IL1RAPL2: variants seen among roughly 807,000 people sequenced by gnomAD.
The protein encoded by IL1RAPL2 is interleukin 1 receptor accessory protein like 2, also known as X-linked interleukin-1 receptor accessory protein-like 2.
IL1RAPL2 carries 3 observed loss-of-function variants against 44.1 expected under a neutral mutation model. That is an observed-to-expected ratio of 0.07 (90% confidence interval 0.03 to 0.18). The LOEUF (loss-of-function observed/expected upper bound fraction) is 0.18, where lower values mean the gene tolerates loss of function less well. Ranked by LOEUF, IL1RAPL2 falls within the 10% of genes least tolerant of loss-of-function variation. The pLI is 1.00. For synonymous variants in IL1RAPL2, 181 were observed against 178.8 expected, an observed-to-expected ratio of 1.01 and a Z score of -0.10; for missense variants, 391 against 496.4, an observed-to-expected ratio of 0.79 and a Z score of 2.02.
chrX:105,536,134 G>A (rs113116073), intron 6 of IL1RAPL2, among the ~76,000 whole-genome samples: 3 of 110,198 alleles, frequency 2.7e-5, no homozygotes, highest in African/African-American at 9.9e-5. Context: ...ATAAAAACAT[G>A]TTCATTATAA....
intron 6 of IL1RAPL2, among the ~76,000 whole-genome samples, chrX:105,490,877 A>T (rs2147778652): frequency 8.9e-6 from 1 of 112,029 alleles, no homozygotes; most frequent in East Asian, 2.8e-4. Context: ...GGGAAAAAGG[A>T]AAATGATTTT....
At chrX:104,697,600 A>G (rs748913742) in intron 2 of IL1RAPL2, among the ~76,000 whole-genome samples, 2 of 111,520 alleles carry the variant, frequency 1.8e-5, no homozygotes, top group African/African-American at 6.5e-5. Flanking sequence ...TCACTATGTT[A>G]GGGCTGGGAA....
intron 2 of IL1RAPL2, among the ~76,000 whole-genome samples, chrX:104,917,665 A>G (rs769762746): frequency 8.9e-6 from 1 of 111,903 alleles, no homozygotes. Context: ...GAAATGCCTA[A>G]TTGCCCTTTG....
At chrX:104,575,983 C>T (rs1928237572) in intron 1 of IL1RAPL2, among the ~76,000 whole-genome samples, 1 of 111,616 alleles carries the variant, frequency 9.0e-6, no homozygotes, top group African/African-American at 3.3e-5. Context: ...TTTAATGCCC[C>T]TAATAATGGG....
intron 6 of IL1RAPL2, among the ~76,000 whole-genome samples, chrX:105,627,122 A>G (rs1254981134): frequency 1.8e-5 from 2 of 112,198 alleles, no homozygotes; most frequent in Non-Finnish European, 3.8e-5. Context: ...AGGAGCTTAC[A>G]TGGCCTTTGG....
intron 2 of IL1RAPL2, among the ~76,000 whole-genome samples, chrX:105,134,011 A>G (rs886357738): frequency 1.8e-5 from 2 of 111,822 alleles, no homozygotes; most frequent in Admixed American, 1.9e-4. Context: ...TCACTTTTCT[A>G]TTTTAGTAAG....
At chrX:105,564,880 A>G (rs749526689) in intron 6 of IL1RAPL2, among the ~76,000 whole-genome samples, 39 of 111,919 alleles carry the variant, frequency 3.5e-4, no homozygotes, top group Non-Finnish European at 6.6e-4. Flanking sequence ...ACATGGTCAA[A>G]GGCTTTGATT....
At chrX:105,288,702 A>T (rs962493481) in intron 5 of IL1RAPL2, among the ~76,000 whole-genome samples, 4 of 110,713 alleles carry the variant, frequency 3.6e-5, no homozygotes, top group African/African-American at 1.3e-4. Flanking sequence ...AGCCCTAAAA[A>T]GTTGCAGTAA....
At chrX:105,456,978 G>T (rs2079292884) in intron 5 of IL1RAPL2, among the ~76,000 whole-genome samples, 1 of 106,601 alleles carries the variant, frequency 9.4e-6, no homozygotes, top group Admixed American at 1.0e-4. Context: ...TAAAAAGATT[G>T]ATTGATAATA....
chrX:104,964,951 G>A (rs1051164171), intron 2 of IL1RAPL2, among the ~76,000 whole-genome samples: 9 of 110,941 alleles, frequency 8.1e-5, no homozygotes, highest in Non-Finnish European at 1.5e-4. Flanking sequence ...GGTATTACAG[G>A]TGTGAGTCAT....
At chrX:104,782,972 GT>G (rs1009403403) in intron 2 of IL1RAPL2, among the ~76,000 whole-genome samples, 22 of 112,071 alleles carry the variant, frequency 2.0e-4, no homozygotes, top group Non-Finnish European at 1.9e-4. Flanking sequence ...GGAGTAGTTA[GT>G]AGTAGCTTTT....
At chrX:105,597,949 C>CT (rs1445731271) in intron 6 of IL1RAPL2, among the ~76,000 whole-genome samples, 1 of 111,269 alleles carries the variant, frequency 9.0e-6, no homozygotes, top group Non-Finnish European at 1.9e-5. Context: ...AACAATTCCT[C>CT]TTCTGGGTAT....
Position 104,658,936 on chromosome X carries a change from C to T in IL1RAPL2, c.23C>T (p.Ala8Val). 2 of 1,205,544 alleles carry T rather than the reference C, an allele frequency of 1.7e-6. No individual in the cohort carries two copies. The highest frequency in any genetic ancestry group is 2.2e-6 in the Non-Finnish European group (2 of 892,100). The change falls in exon 2 of 11, where the codon GCC becomes GTC. Residue 8 changes from alanine (A) to valine (V), a missense_variant. Physicochemically the swap from Ala to Val is moderately conservative, Grantham distance 64 (BLOSUM62 0). Transcript: ENST00000372582. MKPPFLLALVVCSVVSTN... is the reference protein window; with the variant it reads MKPPFLLVLVVCSVVSTN... ...AGGATGAAGCCACCATTTCTTTTGG[C>T]CCTTGTGGTCTGTTCTGTAGTCAGC...
At chrX:104,944,291 T>A (rs1925284526) in intron 2 of IL1RAPL2, among the ~76,000 whole-genome samples, 1 of 112,054 alleles carries the variant, frequency 8.9e-6, no homozygotes, top group African/African-American at 3.2e-5. Flanking sequence ...AAACATCTCC[T>A]CTAGAGTAAA....
intron 3 of IL1RAPL2, among the ~76,000 whole-genome samples, chrX:105,232,006 C>T (rs1011995073): frequency 1.8e-5 from 2 of 111,862 alleles, no homozygotes; most frequent in African/African-American, 6.5e-5. Context: ...TCACTTAATC[C>T]CCAGTGGGCA....
At chrX:104,818,212 C>T (rs1921193044) in intron 2 of IL1RAPL2, among the ~76,000 whole-genome samples, 1 of 107,484 alleles carries the variant, frequency 9.3e-6, no homozygotes, top group African/African-American at 3.4e-5. Flanking sequence ...GGCACAGTGG[C>T]GGGTGCCTAT....
chrX:104,604,380 A>C (rs1928956414), intron 1 of IL1RAPL2, among the ~76,000 whole-genome samples: 1 of 111,237 alleles, frequency 9.0e-6, no homozygotes, highest in Non-Finnish European at 1.9e-5. Context: ...CATCAACACT[A>C]TGAAGAAACT....
intron 2 of IL1RAPL2, among the ~76,000 whole-genome samples, chrX:105,013,473 G>T (rs1331190773): frequency 9.1e-6 from 1 of 110,154 alleles, no homozygotes; most frequent in Non-Finnish European, 1.9e-5. Flanking sequence ...GGAAGTATAA[G>T]GTCTTCATAC....
At chrX:104,779,902 A>T (rs1337137255) in intron 2 of IL1RAPL2, among the ~76,000 whole-genome samples, 3 of 111,361 alleles carry the variant, frequency 2.7e-5, no homozygotes, top group African/African-American at 6.5e-5. Flanking sequence ...AAAAAAAAAT[A>T]ACTAAAGTTG....
Sources: allele counts gnomAD v4.1 joint callset (sites outside exome capture counted in the v4.1 genomes callset), GRCh38; gene constraint gnomAD v4.1.1; transcripts MANE v1.5; gene names NCBI Gene and HGNC (gene_info 2026-07-23, HGNC 2026-07-21).